The following PCNT variants were observed in gnomAD, a reference collection of about 807,000 sequenced individuals.
PCNT encodes the protein kendrin.
In PCNT, 319 loss-of-function variants were observed where a neutral mutation model predicts 380.4. The observed-to-expected ratio is 0.84, with a 90% CI of 0.77 to 0.92. The LOEUF is 0.92. PCNT is among the 40% of genes least tolerant of loss of function. PCNT has a pLI of 0.00. For synonymous variants in PCNT, 1,845 were observed against 1,735.2 expected (o/e 1.06, Z -1.57); for missense variants, 4,400 against 4,255.3 (o/e 1.03, Z -0.95).
chr21:46,442,501 C>T lies in PCNT; in HGVS notation c.9628C>T (p.Arg3210Cys), dbSNP rs374027088. Residue 3210 changes from arginine to cysteine, a missense_variant, in exon 44 of 47, where the codon CGT becomes TGT. Arg to Cys is a radical substitution (Grantham distance 180, BLOSUM62 -3). Coordinates refer to ENST00000359568, the MANE Select transcript of PCNT (RefSeq NM_006031.6). ...VRVVIAILRL[R>C]FLVKKWQEVD... ...TCTTGTCTCTTTTTTTTGTAGATTACGTTTTTTGGTTAAGAAATGGCAAGA... is the reference window on the plus strand; with the variant it reads ...TCTTGTCTCTTTTTTTTGTAGATTATGTTTTTTGGTTAAGAAATGGCAAGA... The T allele has an allele frequency of 1.4e-5, 23 of 1,602,260 alleles. No homozygotes were observed. The highest frequency in any genetic ancestry group is 6.7e-5 in the East Asian group (3 of 44,802).
At chr21:46,402,538 C>T (rs1423905075) in intron 27 of PCNT, 55 bp downstream of exon 27, 34 of 1,586,892 alleles carry the variant, frequency 2.1e-5, no homozygotes, top group South Asian at 6.6e-5. Context: ...ATGCCGGTGC[C>T]GAGCGGCCAC....
At chr21:46,333,982 G>A (rs1020457872) in intron 2 of PCNT, among the ~76,000 whole-genome samples, 9 of 152,148 alleles carry the variant, frequency 5.9e-5, no homozygotes, top group South Asian at 2.1e-4. Flanking sequence ...CAAGGCGGGC[G>A]GATCACGAGG....
At chr21:46,336,632 G>A (rs774436125) in intron 3 of PCNT, among the ~76,000 whole-genome samples, 6 of 151,982 alleles carry the variant, frequency 3.9e-5, no homozygotes, top group Non-Finnish European at 7.4e-5. Context: ...AAGGAGTCTT[G>A]GTGCCTTTTA....
intron 3 of PCNT, among the ~76,000 whole-genome samples, chr21:46,336,676 C>T (rs1244492816): frequency 6.6e-6 from 1 of 152,082 alleles, no homozygotes; most frequent in African/African-American, 2.4e-5. Context: ...GACCTGGGCT[C>T]TAGGTGTGCT....
At chr21:46,343,824 G>T (rs1353871998) in intron 3 of PCNT, among the ~76,000 whole-genome samples, 1 of 152,062 alleles carries the variant, frequency 6.6e-6, no homozygotes, top group East Asian at 1.9e-4. Flanking sequence ...CAGAATTTCT[G>T]TTTCTTCCTG....
chr21:46,391,857 C>T (rs537273993), intron 21 of PCNT, among the ~76,000 whole-genome samples: 178 of 152,326 alleles, frequency 1.2e-3, no homozygotes, highest in Admixed American at 2.0e-3. Context: ...TTTAAAATGT[C>T]GAGCCTGCAG....
At chr21:46,360,626 C>T (rs1337225628) in intron 13 of PCNT, among the ~76,000 whole-genome samples, 1 of 150,238 alleles carries the variant, frequency 6.7e-6, no homozygotes, top group Non-Finnish European at 1.5e-5. Context: ...TCACGCCATT[C>T]TCCTGCCTCA....
At chr21:46,390,941 AAAC>A (rs1246080339) in intron 20 of PCNT, 109 bp downstream of exon 20, 26 of 1,373,962 alleles carry the variant, frequency 1.9e-5, no homozygotes, top group Non-Finnish European at 2.5e-5. Context: ...TGAAATGTAA[AAAC>A]AAAGCCAACA....
chr21:46,428,121 T>G (rs1376165589), intron 34 of PCNT, among the ~76,000 whole-genome samples: 1 of 152,164 alleles, frequency 6.6e-6, no homozygotes, highest in Non-Finnish European at 1.5e-5. Flanking sequence ...TGGGTGGCGT[T>G]GGTGCCGTGG....
Position 46,363,532 on chromosome 21 carries a change from A to G in PCNT, c.2207A>G (p.Gln736Arg), listed in dbSNP as rs368285063. 8.7e-6 allele frequency: 14 copies of G among 1,613,960 alleles called. No homozygotes were observed. In the African/African-American group the frequency reaches 1.6e-4, roughly 18 times the overall value. The change falls in exon 14 of 47, where the codon CAA (glutamine) becomes CGA (arginine). Residue 736 changes from glutamine (Q) to arginine (R), a missense_variant. Transcript: ENST00000359568. Reference protein sequence around the residue: ...DHQKELNNAKQKTELMKQEFQ... With the variant: ...DHQKELNNAKRKTELMKQEFQ... ...CAGAAGGAACTAAATAATGCTAAGC[A>G]AAAGACTGAGCTGATGAAACAGGAA... is the stretch of plus-strand genomic sequence containing the variant.
At chr21:46,444,238 T>A (rs893928121) in intron 45 of PCNT, among the ~76,000 whole-genome samples, 1 of 152,078 alleles carries the variant, frequency 6.6e-6, no homozygotes, top group Non-Finnish European at 1.5e-5. Flanking sequence ...GAAGAAGGCA[T>A]GTTCCCTGCC....
intron 29 of PCNT, among the ~76,000 whole-genome samples, chr21:46,415,177 G>C (rs939440781): frequency 1.3e-5 from 2 of 152,194 alleles, no homozygotes; most frequent in African/African-American, 4.8e-5. Context: ...GGCGTTTAGA[G>C]CCTGAAAGAT....
intron 16 of PCNT, among the ~76,000 whole-genome samples, chr21:46,385,355 CAGAA>C (rs894168075): frequency 6.6e-6 from 1 of 152,194 alleles, no homozygotes; most frequent in African/African-American, 2.4e-5. Flanking sequence ...GACCCTGTCT[CAGAA>C]AGAAAGATCT....
In PCNT at chr21:46,377,719, G is replaced by T. The variant is rs917715608; in HGVS notation, c.3166-3975G>T. 5.3e-5 allele frequency among the ~76,000 whole-genome samples: 8 copies of T among 152,112 alleles called. 1 individual carries two copies. The highest frequency in any genetic ancestry group is 5.2e-4 in the Admixed American group (8 of 15,272). On this transcript the variant is annotated intron_variant, in intron 15 of 46. Coordinates refer to ENST00000359568, the MANE Select transcript of PCNT (RefSeq NM_006031.6). ...AAAAATTAGCCTGGCATGTTGGCGT[G>T]CCCATATAGTTCCAGCTACTCAGAG...
chr21:46,395,731 T>C (rs78561453), intron 21 of PCNT, among the ~76,000 whole-genome samples: 2 of 147,062 alleles, frequency 1.4e-5, no homozygotes, highest in Admixed American at 6.8e-5. Flanking sequence ...GACTTCAGGA[T>C]TCGGCAGCAG....
chr21:46,372,012 GCACA>G (rs938702017), intron 15 of PCNT, among the ~76,000 whole-genome samples: 3 of 147,582 alleles, frequency 2.0e-5, no homozygotes, highest in South Asian at 2.2e-4. Context: ...CACAGCACAT[GCACA>G]CACACAGCAC....
intron 14 of PCNT, among the ~76,000 whole-genome samples, chr21:46,366,277 C>T (rs1050440417): frequency 6.6e-6 from 1 of 152,136 alleles, no homozygotes; most frequent in Non-Finnish European, 1.5e-5. Context: ...CCGTGCGTGG[C>T]TCTGGCGGGG....
intron 30 of PCNT, among the ~76,000 whole-genome samples, chr21:46,417,343 C>T (rs529049639): frequency 4.3e-4 from 65 of 151,930 alleles, no homozygotes; most frequent in African/African-American, 1.3e-3. Context: ...TACAGGCACA[C>T]GCCACCACAC....
At position 46,430,169 on chromosome 21, in the gene PCNT, G is replaced by A. The variant is rs566660010; in HGVS notation, c.7850G>A (p.Arg2617Lys). The A allele has an allele frequency of 1.2e-5, 19 of 1,614,172 alleles. No homozygotes were observed. Among genetic ancestry groups the A allele is most frequent in the Admixed American group, 8.3e-5 (5 of 60,032 alleles). ...TTGAAGTCCGACCTCTGTGAGAGCA[G>A]GCAGAAGAGCGAACAGCTGTCCCGG... is the stretch of plus-strand genomic sequence containing the variant. ...RDLKSDLCES[R>K]QKSEQLSRSL... Residue 2617 changes from arginine (R) to lysine (K), a missense_variant, in exon 36 of 47, where the codon AGG becomes AAG. Coordinates refer to ENST00000359568, the MANE Select transcript of PCNT (RefSeq NM_006031.6).
Sources: allele counts gnomAD v4.1 joint callset (sites outside exome capture counted in the v4.1 genomes callset), GRCh38; gene constraint gnomAD v4.1.1; transcripts MANE v1.5; gene names NCBI Gene and HGNC (gene_info 2026-07-23, HGNC 2026-07-21).